Variants in SLC25A26 observed in about 807,000 individuals in gnomAD.
SLC25A26 encodes the protein solute carrier family 25 member 26, also known as mitochondrial S-adenosylmethionine carrier protein.
SLC25A26 carries 36 observed loss-of-function variants against 37.8 expected under a neutral mutation model. The ratio of observed to expected loss-of-function variants is 0.95; its 90% CI spans 0.73 to 1.26. The LOEUF (loss-of-function observed/expected upper bound fraction) is 1.26. Ranked by LOEUF, SLC25A26 falls within the 50% of genes most tolerant of loss-of-function variation. The pLI is 0.00. For missense variants in SLC25A26, 390 were observed against 331.1 expected, an observed-to-expected ratio of 1.18 and a Z score of -1.38; for synonymous variants, 129 against 122.5, an observed-to-expected ratio of 1.05 and a Z score of -0.35.
At chr3:66,274,786 C>G (rs994993384) in intron 5 of SLC25A26, among the ~76,000 whole-genome samples, 19 of 152,018 alleles carry the variant, frequency 1.2e-4, no homozygotes, top group Admixed American at 2.0e-4. Flanking sequence ...AATAGGAACA[C>G]TTTTACACTG....
chr3:66,358,468 TAG>T (rs111803542), intron 6 of SLC25A26, among the ~76,000 whole-genome samples: 3 of 152,226 alleles, frequency 2.0e-5, no homozygotes, highest in African/African-American at 7.2e-5. Flanking sequence ...GTCATTCCGG[TAG>T]AAATTGTGAT....
intron 5 of SLC25A26, among the ~76,000 whole-genome samples, chr3:66,294,879 C>G (rs540153121): frequency 1.3e-4 from 20 of 152,128 alleles, no homozygotes; most frequent in Non-Finnish European, 2.6e-4. Context: ...ATCCACTTTG[C>G]TTTTGGCTCT....
chr3:66,258,751 A>G (rs578070075), intron 3 of SLC25A26, among the ~76,000 whole-genome samples: 53 of 152,192 alleles, frequency 3.5e-4, no homozygotes, highest in African/African-American at 1.2e-3. Context: ...TCAGGAGGCC[A>G]AGGTGGGAGA....
At chr3:66,226,843 A>C (rs2071777840) in intron 1 of SLC25A26, among the ~76,000 whole-genome samples, 1 of 144,068 alleles carries the variant, frequency 6.9e-6, no homozygotes, top group African/African-American at 2.6e-5. Context: ...GGCCCACCCT[A>C]AGAATTTTTG....
intron 1 of SLC25A26, among the ~76,000 whole-genome samples, chr3:66,194,203 A>T (rs2070999608): frequency 6.6e-6 from 1 of 152,242 alleles, no homozygotes; most frequent in Non-Finnish European, 1.5e-5. Context: ...TGGACTTCAT[A>T]CAAATACCTT....
intron 1 of SLC25A26, among the ~76,000 whole-genome samples, chr3:66,144,865 T>C (rs142892592): frequency 5.3e-4 from 80 of 152,330 alleles, no homozygotes; most frequent in African/African-American, 1.9e-3. Context: ...GTGGAGATCA[T>C]GACTCTAGAC....
At chr3:66,323,842 A>G (rs1469379313) in intron 5 of SLC25A26, 1 of 151,946 alleles carries the variant, frequency 6.6e-6, no homozygotes, top group Non-Finnish European at 1.5e-5. Context: ...TAAAATAAAG[A>G]TAGTTTTGAC....
At chr3:66,175,770 C>T (rs1488239797) in intron 1 of SLC25A26, among the ~76,000 whole-genome samples, 9 of 152,220 alleles carry the variant, frequency 5.9e-5, no homozygotes, top group Non-Finnish European at 1.0e-4. Flanking sequence ...CTAGGGAGGG[C>T]TAACCTTCTG....
At chr3:66,147,853 G>A (rs926759248) in intron 1 of SLC25A26, among the ~76,000 whole-genome samples, 1 of 152,096 alleles carries the variant, frequency 6.6e-6, no homozygotes, top group South Asian at 2.1e-4. Context: ...CCGCCTCCTG[G>A]GTTCAAGCCA....
upstream of SLC25A26, among the ~76,000 whole-genome samples, chr3:66,218,566 G>A (rs1312921634): frequency 4.6e-5 from 7 of 152,126 alleles, no homozygotes; most frequent in Non-Finnish European, 1.0e-4. Context: ...CTCATCTTCC[G>A]GTATTTAGGC....
chr3:66,239,771 C>T (rs928886270), intron 2 of SLC25A26, among the ~76,000 whole-genome samples: 3 of 151,068 alleles, frequency 2.0e-5, no homozygotes, highest in Admixed American at 1.3e-4. Context: ...GTTTTCATGC[C>T]TGCTGGCATA....
Position 66,161,378 on chromosome 3 carries a change from T to C in SLC25A26, c.-354+27394T>C, listed in dbSNP as rs893306058. Among the ~76,000 whole-genome samples the C allele has an allele frequency of 7.2e-5, 11 of 152,260 alleles. No homozygotes were observed. In the East Asian group the frequency reaches 1.7e-3, roughly 24 times the overall value. On this transcript the variant is annotated intron_variant, in intron 1 of 10. Coordinates refer to the SLC25A26 transcript ENST00000676754. ...TTATGTAAAGAATCTTCTTCCTTTT[T>C]TTCTTCCCTCTTTCCCTCTCACCAA... is the stretch of plus-strand genomic sequence containing the variant.
intron 1 of SLC25A26, among the ~76,000 whole-genome samples, chr3:66,207,845 A>G (rs889449271): frequency 7.3e-4 from 111 of 152,324 alleles, no homozygotes; most frequent in African/African-American, 2.5e-3. Flanking sequence ...ATAGAAGTGG[A>G]AAAGAAAGGT....
chr3:66,226,722 A>G (rs2071772170), intron 1 of SLC25A26, among the ~76,000 whole-genome samples: 1 of 152,264 alleles, frequency 6.6e-6, no homozygotes, highest in East Asian at 1.9e-4. Context: ...CTCAGCTTCA[A>G]AGTGCTGAGA....
At chr3:66,263,919 A>T (rs1253228852) in intron 5 of SLC25A26, among the ~76,000 whole-genome samples, 1 of 151,882 alleles carries the variant, frequency 6.6e-6, no homozygotes, top group Non-Finnish European at 1.5e-5. Flanking sequence ...CGGCCTCCCA[A>T]AGTGCTGGGA....
intron 5 of SLC25A26, among the ~76,000 whole-genome samples, chr3:66,302,704 A>C (rs555384177): frequency 6.6e-6 from 1 of 152,344 alleles, no homozygotes; most frequent in South Asian, 2.1e-4. Context: ...GTCAGAAGCA[A>C]CATTGAGCTG....
At chr3:66,310,218 T>C (rs1177550927) in intron 5 of SLC25A26, among the ~76,000 whole-genome samples, 1 of 152,232 alleles carries the variant, frequency 6.6e-6, no homozygotes, top group Non-Finnish European at 1.5e-5. Context: ...GATAGTTAGC[T>C]TTTCTTGTTG....
chr3:66,239,085 T>C (rs2072441768), intron 2 of SLC25A26, among the ~76,000 whole-genome samples: 1 of 152,224 alleles, frequency 6.6e-6, no homozygotes, highest in South Asian at 2.1e-4. Flanking sequence ...ACCTTTCTGC[T>C]CGATTGTCTG....
chr3:66,306,121 A>T (rs1370549599), intron 5 of SLC25A26, among the ~76,000 whole-genome samples: 4 of 152,074 alleles, frequency 2.6e-5, no homozygotes, highest in African/African-American at 9.7e-5. Context: ...AGTAGCTGGG[A>T]CTACAGGTGT....
Sources: gnomAD v4.1 joint callset for allele counts (sites outside exome capture counted in the v4.1 genomes callset) on GRCh38, gnomAD v4.1.1 for gene constraint, MANE v1.5 for transcripts, NCBI Gene and HGNC (gene_info 2026-07-23, HGNC 2026-07-21) for gene names.